The following OR56B1 variants were observed in gnomAD, a reference collection of about 807,000 sequenced individuals.
The protein encoded by OR56B1 is olfactory receptor family 56 subfamily B member 1.
Under a neutral mutation model 11.4 loss-of-function variants are expected in OR56B1, and 13 were observed. That is an observed-to-expected ratio of 1.14 (90% CI 0.74 to 1.81). The LOEUF is 1.81. Ranked by LOEUF, OR56B1 falls within the 40% of genes most tolerant of loss-of-function variation. The probability of loss-of-function intolerance (pLI) is 0.00; values close to 1 mark genes in which losing one functional copy is unlikely to be tolerated. For missense variants in OR56B1, 434 were observed against 379.3 expected, an observed-to-expected ratio of 1.14 and a Z score of -1.20; for synonymous variants, 158 against 143.6, an observed-to-expected ratio of 1.10 and a Z score of -0.72.
chr11:5,738,041 G>T lies in OR56B1; in HGVS notation c.*550G>T, dbSNP rs1340968454. ...AATATGAGATGACTCAGCTTGGACA[G>T]ACAGAACCCAAAAGATTCATCTAGC... On this transcript the variant is annotated 3_prime_UTR_variant, in exon 1 of 1. Coordinates refer to ENST00000317121, the MANE Select transcript of OR56B1 (RefSeq NM_001005180.3). 6.5e-6 allele frequency: 1 copy of T among 153,994 alleles called. No homozygotes were observed. Among genetic ancestry groups the T allele is most frequent in the Non-Finnish European group, 1.4e-5 (1 of 69,172 alleles). The allele number at this position is 153,994 out of a possible 1,614,324, so 9.5% of individuals were successfully genotyped here.
In OR56B1 at chr11:5,736,977, C is replaced by T; in HGVS notation, c.461C>T (p.Thr154Ile). 1 of 1,614,124 alleles carries T rather than the reference C, an allele frequency of 6.2e-7. No homozygotes were observed. The highest frequency in any genetic ancestry group is 8.5e-7 in the Non-Finnish European group (1 of 1,179,998). The change falls in exon 1 of 1, where the codon ACC becomes ATC. Residue 154 changes from threonine to isoleucine, a missense_variant. Physicochemically the swap from Thr to Ile is moderately conservative, Grantham distance 89. Coordinates refer to ENST00000317121, the MANE Select transcript of OR56B1 (RefSeq NM_001005180.3). ...ACCAGTTCCTTAATCTTAAAAGCTA[C>T]CCTGTTCATGGTGCTGAGAAATGGC... ...IVTSSLILKATLFMVLRNGLF... is the reference protein window; with the variant it reads ...IVTSSLILKAILFMVLRNGLF...
At position 5,737,023 on chromosome 11, in the gene OR56B1, T is replaced by C. The variant is rs781501927; in HGVS notation, c.507T>C (p.Pro169=). Residue 169 remains proline, a synonymous_variant, in exon 1 of 1, where the codon CCT becomes CCC. Coordinates refer to ENST00000317121, the MANE Select transcript of OR56B1 (RefSeq NM_001005180.3). ...ATGGCTTATTTGTCACTCCAGTGCC[T>C]GTGCTTGCAGCACAGCGTGATTATT... is the stretch of plus-strand genomic sequence containing the variant. ...LRNGLFVTPV[P]VLAAQRDYCS... 11 of 1,614,058 alleles carry C rather than the reference T, an allele frequency of 6.8e-6. No individual in the cohort carries two copies. In the Admixed American group the frequency reaches 1.0e-4, roughly 15 times the overall value.
Position 5,737,150 on chromosome 11 carries a change from G to T in OR56B1, c.634G>T (p.Ala212Ser). ...AAACAGCATTTGCCAGTTGGTTCTG[G>T]CATGGCTTGGAATGGGGAGTGATCT... ...RPNSICQLVL[A>S]WLGMGSDLSL... The change falls in exon 1 of 1, where the codon GCA (alanine) becomes TCA (serine). Residue 212 changes from alanine (A) to serine (S), a missense_variant. Physicochemically the swap from Ala to Ser is moderately conservative, Grantham distance 99. Transcript: ENST00000317121. 1 of 1,613,948 alleles carries T rather than the reference G, an allele frequency of 6.2e-7. No homozygotes were observed. The highest frequency in any genetic ancestry group is 8.5e-7 in the Non-Finnish European group (1 of 1,179,980).
Position 5,737,838 on chromosome 11 carries a change from A to G in OR56B1, c.*347A>G, listed in dbSNP as rs1853949705. 1 of 184,832 alleles carries G rather than the reference A, an allele frequency of 5.4e-6. No individual in the cohort carries two copies. The highest frequency in any genetic ancestry group is 5.3e-5 in the Admixed American group (1 of 18,706). The allele number at this position is 184,832 out of a possible 1,614,324, so 11.4% of individuals were successfully genotyped here. A position where few individuals can be genotyped will look rare whatever the true frequency, so the allele number is the denominator to read the frequency against. The stretch of plus-strand genomic sequence containing the variant: ...ATACATTCAATCAGACAAATGAGTG[A>G]TTGGGACATGAATCACAGGTCATGC... On this transcript the variant is annotated 3_prime_UTR_variant, in exon 1 of 1. Coordinates refer to ENST00000317121, the MANE Select transcript of OR56B1 (RefSeq NM_001005180.3).
Position 5,737,306 on chromosome 11 carries a change from G to T in OR56B1, c.790G>T (p.Val264Phe), listed in dbSNP as rs915240521. 3.1e-6 allele frequency: 5 copies of T among 1,614,006 alleles called. No individual in the cohort carries two copies. Among genetic ancestry groups the T allele is most frequent in the Non-Finnish European group, 3.4e-6 (4 of 1,179,932 alleles). Residue 264 changes from valine to phenylalanine, a missense_variant, in exon 1 of 1, where the codon GTT becomes TTT. By Grantham distance (50) the Val-to-Phe change is conservative. Coordinates refer to ENST00000317121, the MANE Select transcript of OR56B1 (RefSeq NM_001005180.3). ...LTLILFFYTI[V>F]VVISVTHLTE... is the part of the protein sequence containing the mutation. ...CCTCATCCTTTTCTTTTACACTATT[G>T]TTGTAGTGATTTCAGTGACTCATCT... is the stretch of plus-strand genomic sequence containing the variant.
In OR56B1 at chr11:5,737,059, T is replaced by G; in HGVS notation, c.543T>G (p.Asn181Lys). Reference sequence around the variant, plus strand: ...CACAGCGTGATTATTGCTCCAAGAATGAAATTGAACACTGCCTGTGCTCTA... The same window carrying G: ...CACAGCGTGATTATTGCTCCAAGAAGGAAATTGAACACTGCCTGTGCTCTA... Reference protein sequence around the residue: ...LAAQRDYCSKNEIEHCLCSNL... With the variant: ...LAAQRDYCSKKEIEHCLCSNL... The change falls in exon 1 of 1, where the codon AAT (asparagine) becomes AAG (lysine). Residue 181 changes from asparagine to lysine, a missense_variant. Asn to Lys is a moderately conservative substitution (Grantham distance 94, BLOSUM62 0). Transcript: ENST00000317121. The G allele has an allele frequency of 6.2e-7, 1 of 1,614,124 alleles. No individual in the cohort carries two copies. Among genetic ancestry groups the G allele is most frequent in the Non-Finnish European group, 8.5e-7 (1 of 1,179,998 alleles).
chr11:5,737,503 A>T lies in OR56B1; in HGVS notation c.*12A>T. Reference sequence around the variant, plus strand: ...AAATAAGATCTTAGAGACCTTCTCCATGATGTACATGAACCTCAGCTTCTC... The same window carrying T: ...AAATAAGATCTTAGAGACCTTCTCCTTGATGTACATGAACCTCAGCTTCTC... On this transcript the variant is annotated 3_prime_UTR_variant, in exon 1 of 1. Transcript: ENST00000317121. 1.9e-6 allele frequency: 3 copies of T among 1,595,536 alleles called. No homozygotes were observed. In the South Asian group the frequency reaches 3.4e-5, roughly 18 times the overall value.
At position 5,737,275 on chromosome 11, in the gene OR56B1, T is replaced by C. The variant is rs775765442; in HGVS notation, c.759T>C (p.His253=). 1.2e-6 allele frequency: 2 copies of C among 1,614,122 alleles called. No individual in the cohort carries two copies. The highest frequency in any genetic ancestry group is 2.2e-5 in the South Asian group (2 of 91,084). The change falls in exon 1 of 1, where the codon CAT becomes CAC. Residue 253 remains histidine (H), a synonymous_variant. Transcript: ENST00000317121. ...AGGCCCTGAGCACTTGTAGTTCACA[T>C]CTCACCCTCATCCTTTTCTTTTACA... ...AAKALSTCSS[H]LTLILFFYTI... is the part of the protein sequence containing the mutation.
rs1853911242 is a variant in OR56B1, at chr11:5,736,554, G to A, written c.38G>A (p.Ser13Asn). The A allele has an allele frequency of 6.2e-7, 1 of 1,613,752 alleles. No individual in the cohort carries two copies. The highest frequency in any genetic ancestry group is 1.7e-4 in the Middle Eastern group (1 of 6,060). The change falls in exon 1 of 1, where the codon AGC (serine) becomes AAC (asparagine). Residue 13 changes from serine to asparagine, a missense_variant. By Grantham distance (46) the Ser-to-Asn change is conservative. Transcript: ENST00000317121. Reference protein sequence around the residue: ...HMSASLKISNSSKFQVSEFIL... With the variant: ...HMSASLKISNNSKFQVSEFIL... Reference sequence around the variant, plus strand: ...TCTGCATCTCTCAAAATCTCCAATAGCTCCAAATTCCAGGTCTCTGAGTTC... The same window carrying A: ...TCTGCATCTCTCAAAATCTCCAATAACTCCAAATTCCAGGTCTCTGAGTTC...
chr11:5,737,217 T>C lies in OR56B1; in HGVS notation c.701T>C (p.Val234Ala). Residue 234 changes from valine to alanine, a missense_variant, in exon 1 of 1, where the codon GTA becomes GCA. Val to Ala is a moderately conservative substitution (Grantham distance 64, BLOSUM62 0). Coordinates refer to ENST00000317121, the MANE Select transcript of OR56B1 (RefSeq NM_001005180.3). Reference sequence around the variant, plus strand: ...TCATATATTTTGATTCTGTACTCTGTACTTAGACTGAACTCAGCTGAAGCT... The same window carrying C: ...TCATATATTTTGATTCTGTACTCTGCACTTAGACTGAACTCAGCTGAAGCT... The part of the protein sequence containing the change: ...ILSYILILYS[V>A]LRLNSAEAAA... 1 of 1,614,124 alleles carries C rather than the reference T, an allele frequency of 6.2e-7. No individual in the cohort carries two copies. The highest frequency in any genetic ancestry group is 8.5e-7 in the Non-Finnish European group (1 of 1,179,974).
At position 5,737,591 on chromosome 11, in the gene OR56B1, T is replaced by C. The variant is rs1853944710; in HGVS notation, c.*100T>C. On this transcript the variant is annotated 3_prime_UTR_variant, in exon 1 of 1. Coordinates refer to ENST00000317121, the MANE Select transcript of OR56B1 (RefSeq NM_001005180.3). ...GTAAGTGAATACCTTTGGGATTCCC[T>C]TTTTATATTTGTATGTAAATAATTG... 3.6e-6 allele frequency: 4 copies of C among 1,099,830 alleles called. No individual in the cohort carries two copies. The South Asian group carries it at 8.5e-5, about 23-fold the overall frequency. The allele number at this position is 1,099,830 out of a possible 1,614,324, so 68.1% of individuals were successfully genotyped here.
chr11:5,737,010 T>A lies in OR56B1; in HGVS notation c.494T>A (p.Val165Asp). The change falls in exon 1 of 1, where the codon GTC becomes GAC. Residue 165 changes from valine (V) to aspartate (D), a missense_variant. By Grantham distance (152) the Val-to-Asp change is radical. Coordinates refer to ENST00000317121, the MANE Select transcript of OR56B1 (RefSeq NM_001005180.3). ...ATGGTGCTGAGAAATGGCTTATTTGTCACTCCAGTGCCTGTGCTTGCAGCA... is the reference window on the plus strand; with the variant it reads ...ATGGTGCTGAGAAATGGCTTATTTGACACTCCAGTGCCTGTGCTTGCAGCA... ...LFMVLRNGLF[V>D]TPVPVLAAQR... is the part of the protein sequence containing the mutation. 6.2e-7 allele frequency: 1 copy of A among 1,614,166 alleles called. No individual in the cohort carries two copies. The highest frequency in any genetic ancestry group is 8.5e-7 in the Non-Finnish European group (1 of 1,180,022).
chr11:5,736,910 T>C lies in OR56B1; in HGVS notation c.394T>C (p.Tyr132His). The change falls in exon 1 of 1, where the codon TAT becomes CAT. Residue 132 changes from tyrosine (Y) to histidine (H), a missense_variant. Physicochemically the swap from Tyr to His is moderately conservative, Grantham distance 83 (BLOSUM62 2). Coordinates refer to ENST00000317121, the MANE Select transcript of OR56B1 (RefSeq NM_001005180.3). ...CCTACTCTGCATGGCTTTTGATAGA[T>C]ATGTGGCTATTTGTCACCCTCTTCG... ...GILLCMAFDR[Y>H]VAICHPLRYP... The C allele has an allele frequency of 6.2e-7, 1 of 1,614,066 alleles. No homozygotes were observed. Among genetic ancestry groups the C allele is most frequent in the Non-Finnish European group, 8.5e-7 (1 of 1,179,978 alleles).
rs1377968575 is a variant in OR56B1 at position 5,736,485 on chromosome 11, T to C, written c.-32T>C. Reference sequence around the variant, plus strand: ...TCCAACCTGTGATAACTGAGAACAATACAAATAGAGATTTGAAATTCATGT... The same window carrying C: ...TCCAACCTGTGATAACTGAGAACAACACAAATAGAGATTTGAAATTCATGT... On this transcript the variant is annotated 5_prime_UTR_variant, in exon 1 of 1. Coordinates refer to ENST00000317121, the MANE Select transcript of OR56B1 (RefSeq NM_001005180.3). The C allele has an allele frequency of 1.2e-6, 2 of 1,605,110 alleles. No individual in the cohort carries two copies. The highest frequency in any genetic ancestry group is 1.7e-5 in the Admixed American group (1 of 59,896).
rs756993114 is a variant in OR56B1, at chr11:5,737,309, G to T, written c.793G>T (p.Val265Leu). ...CATCCTTTTCTTTTACACTATTGTT[G>T]TAGTGATTTCAGTGACTCATCTGAC... Reference protein sequence around the residue: ...TLILFFYTIVVVISVTHLTEM... With the variant: ...TLILFFYTIVLVISVTHLTEM... The change falls in exon 1 of 1, where the codon GTA (valine) becomes TTA (leucine). Residue 265 changes from valine to leucine, a missense_variant. Transcript: ENST00000317121. The T allele has an allele frequency of 6.2e-7, 1 of 1,614,060 alleles. No homozygotes were observed.
rs774143631 is a variant in OR56B1, at chr11:5,736,774, C to T, written c.258C>T (p.Ile86=). ...TAGACATGGGTCTGGCCACTACTAT[C>T]ATCCCTAAGATCCTGGCCATCTTCT... is the stretch of plus-strand genomic sequence containing the variant. ...CMVDMGLATT[I]IPKILAIFWF... is the part of the protein sequence containing the mutation. Residue 86 remains isoleucine, a synonymous_variant, in exon 1 of 1, where the codon ATC becomes ATT. Coordinates refer to ENST00000317121, the MANE Select transcript of OR56B1 (RefSeq NM_001005180.3). 2.1e-5 allele frequency: 34 copies of T among 1,613,960 alleles called. No homozygotes were observed. In the Admixed American group the frequency reaches 4.3e-4, roughly 21 times the overall value.
Position 5,736,999 on chromosome 11 carries a change from T to C in OR56B1, c.483T>C (p.Asn161=), listed in dbSNP as rs765119082. 2 of 1,614,140 alleles carry C rather than the reference T, an allele frequency of 1.2e-6. No homozygotes were observed. The highest frequency in any genetic ancestry group is 1.1e-5 in the South Asian group (1 of 91,088). The change falls in exon 1 of 1, where the codon AAT becomes AAC. Residue 161 remains asparagine, a synonymous_variant. Transcript: ENST00000317121. The stretch of plus-strand genomic sequence containing the variant: ...CTACCCTGTTCATGGTGCTGAGAAA[T>C]GGCTTATTTGTCACTCCAGTGCCTG... ...LKATLFMVLR[N]GLFVTPVPVL...
rs1407713263 is a variant in OR56B1 at position 5,737,495 on chromosome 11, C to T, written c.*4C>T. 1 of 1,602,468 alleles carries T rather than the reference C, an allele frequency of 6.2e-7. No homozygotes were observed. On this transcript the variant is annotated 3_prime_UTR_variant, in exon 1 of 1. Transcript: ENST00000317121. The stretch of plus-strand genomic sequence containing the variant: ...TACAAAAGAAATAAGATCTTAGAGA[C>T]CTTCTCCATGATGTACATGAACCTC...
chr11:5,736,843 G>C lies in OR56B1; in HGVS notation c.327G>C (p.Gln109His), dbSNP rs866388877. 2.5e-6 allele frequency: 4 copies of C among 1,613,870 alleles called. No individual in the cohort carries two copies. The African/African-American group carries it at 4.0e-5, about 16-fold the overall frequency. ...TTAGCCTCCCTGAGTGCTTTGCTCA[G>C]ATTTATGCCATTCACTTCTTTGTGG... ...KVISLPECFAQIYAIHFFVGM... is the reference protein window; with the variant it reads ...KVISLPECFAHIYAIHFFVGM... The change falls in exon 1 of 1, where the codon CAG becomes CAC. Residue 109 changes from glutamine to histidine, a missense_variant. Physicochemically the swap from Gln to His is conservative, Grantham distance 24. Coordinates refer to ENST00000317121, the MANE Select transcript of OR56B1 (RefSeq NM_001005180.3).
Sources: allele counts gnomAD v4.1 joint callset, GRCh38; gene constraint gnomAD v4.1.1; transcripts MANE v1.5; gene names NCBI Gene and HGNC (gene_info 2026-07-23, HGNC 2026-07-21).